Variants in CENPK observed in about 807,000 individuals in gnomAD.
The protein encoded by CENPK is SoxLZ/Sox6-binding protein Solt.
CENPK carries 46 observed loss-of-function variants against 40.9 expected under a neutral mutation model. The ratio of observed to expected loss-of-function variants is 1.13; its 90% CI spans 0.89 to 1.44. The LOEUF is 1.44. Among genes scored for constraint, CENPK ranks in the 40% most tolerant of loss-of-function variants. The pLI is 0.00. For missense variants in CENPK, 288 were observed against 303.5 expected (o/e 0.95, Z 0.38); for synonymous variants, 107 against 104.4 (o/e 1.02, Z -0.15).
chr5:65,496,861 G>T, the CENPK span, among the ~76,000 whole-genome samples: 1 of 152,082 alleles, frequency 6.6e-6, no homozygotes, highest in African/African-American at 2.4e-5. Flanking sequence ...AGACCAGCCT[G>T]GCCAAGATGG....
At chr5:65,510,468 T>C in the CENPK span, among the ~76,000 whole-genome samples, 2 of 152,238 alleles carry the variant, frequency 1.3e-5, no homozygotes, top group South Asian at 2.1e-4. Context: ...TCACGAGGAC[T>C]GTGCTCTAAT....
chr5:65,503,668 T>G, the CENPK span, among the ~76,000 whole-genome samples: 1 of 151,908 alleles, frequency 6.6e-6, no homozygotes, highest in Non-Finnish European at 1.5e-5. Flanking sequence ...AAACTTTTTT[T>G]TTTTTTTGAG....
the CENPK span, among the ~76,000 whole-genome samples, chr5:65,507,867 C>G: frequency 6.6e-6 from 1 of 152,096 alleles, no homozygotes; most frequent in South Asian, 2.1e-4. Context: ...ATCGGGCTTT[C>G]CTTGTATTTC....
chr5:65,540,059 TCTC>T, intron 6 of CENPK, among the ~76,000 whole-genome samples: 1 of 152,322 alleles, frequency 6.6e-6, no homozygotes, highest in East Asian at 1.9e-4. Flanking sequence ...GGCTGACTAA[TCTC>T]CTTATCAGAT....
At chr5:65,504,935 T>C in the CENPK span, among the ~76,000 whole-genome samples, 16 of 151,984 alleles carry the variant, frequency 1.1e-4, no homozygotes, top group Non-Finnish European at 2.1e-4. Context: ...TCAGAAAGTT[T>C]ATTTATTTAT....
intron 5 of CENPK, among the ~76,000 whole-genome samples, chr5:65,548,596 T>C (rs1374420711): frequency 3.3e-5 from 5 of 152,198 alleles, no homozygotes; most frequent in African/African-American, 9.6e-5. Flanking sequence ...TCAAAATTAG[T>C]CACTCCTCTC....
the CENPK span, among the ~76,000 whole-genome samples, chr5:65,499,671 T>A: frequency 1.0e-4 from 15 of 147,962 alleles, no homozygotes; most frequent in African/African-American, 1.2e-4. Context: ...TTTTTAATTT[T>A]TTTTTTTTTA....
chr5:65,519,955 A>T (rs1297423117), intron 10 of CENPK, among the ~76,000 whole-genome samples: 2 of 152,098 alleles, frequency 1.3e-5, no homozygotes, highest in Non-Finnish European at 2.9e-5. Flanking sequence ...TAGTTCCTTT[A>T]TCACTGACAA....
intron 5 of CENPK, among the ~76,000 whole-genome samples, chr5:65,548,515 C>A (rs370558536): frequency 2.0e-5 from 3 of 151,390 alleles, no homozygotes; most frequent in African/African-American, 7.3e-5. Context: ...ATTGACTCTT[C>A]GTTTCACAAA....
chr5:65,510,426 T>A, the CENPK span, among the ~76,000 whole-genome samples: 1 of 152,172 alleles, frequency 6.6e-6, no homozygotes, highest in East Asian at 1.9e-4. Context: ...TGTGGCAGTA[T>A]TGACAGGCAG....
chr5:65,522,865 C>T (rs1194905032), intron 9 of CENPK, among the ~76,000 whole-genome samples: 5 of 152,094 alleles, frequency 3.3e-5, no homozygotes, highest in African/African-American at 1.2e-4. Flanking sequence ...CTACCAAAGA[C>T]AAAAAAAGAA....
intron 10 of CENPK, among the ~76,000 whole-genome samples, chr5:65,520,647 T>C (rs1580875513): frequency 1.3e-5 from 2 of 152,326 alleles, no homozygotes. Context: ...AAAGCAATAA[T>C]ACTCTGTATT....
At chr5:65,507,055 T>G in the CENPK span, among the ~76,000 whole-genome samples, 15 of 152,334 alleles carry the variant, frequency 9.8e-5, no homozygotes, top group African/African-American at 3.6e-4. Flanking sequence ...AATAAATTAA[T>G]TCACTTGCTC....
chr5:65,526,255 T>C (rs1744690458), intron 9 of CENPK, among the ~76,000 whole-genome samples: 1 of 151,890 alleles, frequency 6.6e-6, no homozygotes, highest in African/African-American at 2.4e-5. Flanking sequence ...AGAAAATAAA[T>C]CAGTGAGTTG....
chr5:65,503,109 TA>T, the CENPK span, among the ~76,000 whole-genome samples: 66 of 119,164 alleles, frequency 5.5e-4, no homozygotes, highest in African/African-American at 8.1e-4. Context: ...ACCAATGTAA[TA>T]TTTTTTTTTT....
chr5:65,495,962 C>G, the CENPK span, among the ~76,000 whole-genome samples: 1 of 152,170 alleles, frequency 6.6e-6, no homozygotes, highest in South Asian at 2.1e-4. Context: ...CAATATTAAT[C>G]AAGAGCCTTA....
Position 65,531,508 on chromosome 5 carries a change from AT to A in CENPK, c.289-2310del, listed in dbSNP as rs34443663. Among the ~76,000 whole-genome samples, 898 of 142,750 alleles carry A rather than the reference AT, an allele frequency of 6.3e-3. 5 individuals carry two copies. Among genetic ancestry groups the A allele is most frequent in the African/African-American group, 0.019 (752 of 38,722 alleles). The allele number at this position is 142,750 out of a possible 152,430, so 93.6% of individuals were successfully genotyped here. A position where few individuals can be genotyped will look rare whatever the true frequency, so the allele number is the denominator to read the frequency against. ...TGAGAATTCAGAGCACTAAAAATCT[AT>A]TTTTTTTTTTTTTGAGACGGAATCT... On this transcript the variant is annotated intron_variant, in intron 6 of 10. Transcript: ENST00000396679.
chr5:65,497,942 C>A, the CENPK span, among the ~76,000 whole-genome samples: 1 of 151,974 alleles, frequency 6.6e-6, no homozygotes, highest in South Asian at 2.1e-4. Context: ...AGAATAAAAA[C>A]AATATAGTGT....
chr5:65,507,715 T>C, the CENPK span, among the ~76,000 whole-genome samples: 1 of 152,210 alleles, frequency 6.6e-6, no homozygotes, highest in African/African-American at 2.4e-5. Context: ...AACACTGATA[T>C]AATAGTATTA....
Sources: allele counts gnomAD v4.1 joint callset (sites outside exome capture counted in the v4.1 genomes callset), GRCh38; gene constraint gnomAD v4.1.1; transcripts MANE v1.5; gene names NCBI Gene and HGNC (gene_info 2026-07-23, HGNC 2026-07-21).